Variants in MYOCD observed in about 807,000 individuals in gnomAD.
MYOCD encodes myocardin.
A neutral mutation model predicts 96.1 loss-of-function variants in MYOCD; 32 were observed. The observed-to-expected ratio is 0.33, with a 90% CI of 0.25 to 0.45. MYOCD has a LOEUF of 0.45. MYOCD is among the 20% of genes least tolerant of loss of function. The pLI, the probability that MYOCD is intolerant of heterozygous loss-of-function variation, is 1.00. For missense variants in MYOCD, 1,133 were observed against 1,200.6 expected, an observed-to-expected ratio of 0.94 and a Z score of 0.83; for synonymous variants, 469 against 469.0, an observed-to-expected ratio of 1.00 and a Z score of 0.00.
At chr17:12,747,891 C>T (rs1183263918) in intron 9 of MYOCD, among the ~76,000 whole-genome samples, 1 of 149,508 alleles carries the variant, frequency 6.7e-6, no homozygotes, top group Non-Finnish European at 1.5e-5. Flanking sequence ...ACTGGCTGGG[C>T]GTGGTGGCTC....
Position 12,666,186 on chromosome 17 carries a change from A to C in MYOCD, c.-3A>C. The stretch of plus-strand genomic sequence containing the variant: ...AGGGACCAGCGGCTTGCTGAGACTC[A>C]ACATGACACTCCTGGGGTCTGAGCA... On this transcript the variant is annotated 5_prime_UTR_variant, in exon 1 of 14. Coordinates refer to ENST00000425538, the MANE Select transcript of MYOCD (RefSeq NM_001146312.3). 6.2e-7 allele frequency: 1 copy of C among 1,613,414 alleles called. No homozygotes were observed. Among genetic ancestry groups the C allele is most frequent in the Non-Finnish European group, 8.5e-7 (1 of 1,179,468 alleles).
In MYOCD at chr17:12,693,544, C is replaced by T. The variant is rs188454429; in HGVS notation, c.56-11584C>T. 7.3e-5 allele frequency among the ~76,000 whole-genome samples: 11 copies of T among 151,240 alleles called. 1 individual carries two copies. The highest frequency in any genetic ancestry group is 4.0e-4 in the Admixed American group (6 of 15,138). Reference sequence around the variant, plus strand: ...AGATTCGCTTGAACCTGGGAGGCAGCGGTGGCAGTGAGCCAAGATTGTGCC... The same window carrying T: ...AGATTCGCTTGAACCTGGGAGGCAGTGGTGGCAGTGAGCCAAGATTGTGCC... On this transcript the variant is annotated intron_variant, in intron 1 of 13. Transcript: ENST00000425538.
In MYOCD at chr17:12,733,309, C is replaced by CAAAAA. The variant is rs10650455; in HGVS notation, c.416-2843_416-2839dup. ...TGGGCAACAGAGCAAGACTCCATCT[C>CAAAAA]AAAAAAAAAAAAACAACCAAATAGT... On this transcript the variant is annotated intron_variant, in intron 5 of 13. Coordinates refer to ENST00000425538, the MANE Select transcript of MYOCD (RefSeq NM_001146312.3). 1.6e-3 allele frequency among the ~76,000 whole-genome samples: 220 copies of CAAAAA among 134,820 alleles called. 3 individuals carry two copies. Among genetic ancestry groups the CAAAAA allele is most frequent in the Middle Eastern group, 3.8e-3 (1 of 264 alleles). The allele number at this position is 134,820 out of a possible 152,430, so 88.4% of individuals were successfully genotyped here. A position where few individuals can be genotyped will look rare whatever the true frequency, so the allele number is the denominator to read the frequency against.
intron 2 of MYOCD, among the ~76,000 whole-genome samples, chr17:12,710,709 T>C (rs2031454392): frequency 6.6e-6 from 1 of 152,168 alleles, no homozygotes. Flanking sequence ...CACAGCACCC[T>C]ACCACACACT....
At chr17:12,755,745 G>A (rs2032994630) in intron 10 of MYOCD, among the ~76,000 whole-genome samples, 2 of 152,138 alleles carry the variant, frequency 1.3e-5, no homozygotes, top group African/African-American at 2.4e-5. Context: ...GGTGGCACGC[G>A]CCTGTAGTCC....
intron 1 of MYOCD, among the ~76,000 whole-genome samples, chr17:12,687,177 C>T (rs534402142): frequency 2.0e-4 from 30 of 151,092 alleles, no homozygotes; most frequent in South Asian, 1.3e-3. Context: ...TTTTTCTTTC[C>T]GTGTAAGATT....
At chr17:12,732,298 A>C (rs2032197926) in intron 5 of MYOCD, among the ~76,000 whole-genome samples, 1 of 151,832 alleles carries the variant, frequency 6.6e-6, no homozygotes, top group African/African-American at 2.4e-5. Flanking sequence ...ATCCTCCCCA[A>C]CCCAAGCATG....
intron 1 of MYOCD, among the ~76,000 whole-genome samples, chr17:12,688,550 T>TCTTCCTTCCTTCCTTCCTTCCATCTC (rs2030262057): frequency 1.0e-5 from 1 of 99,298 alleles, no homozygotes. Flanking sequence ...CCTTCCATCT[T>TCTTCCTTCCTTCCTTCCTTCCATCTC]CTTCCTTCCT....
intron 2 of MYOCD, among the ~76,000 whole-genome samples, chr17:12,712,391 C>A (rs8081987): frequency 0.033 from 5,011 of 152,134 alleles, 249 homozygotes; most frequent in African/African-American, 0.11. Context: ...ACAGCCCCTG[C>A]TTCTGTTGCT....
rs143701350 is a variant in MYOCD, at chr17:12,679,380, G to T, written c.55+13137G>T. On this transcript the variant is annotated intron_variant, in intron 1 of 13. Transcript: ENST00000425538. Reference sequence around the variant, plus strand: ...GAATCCCTGGCTTAGTAGAAATGCAGCCTTCACAAAGGATTGTGTTCTTAA... The same window carrying T: ...GAATCCCTGGCTTAGTAGAAATGCATCCTTCACAAAGGATTGTGTTCTTAA... Among the ~76,000 whole-genome samples, 751 of 152,254 alleles carry T rather than the reference G, an allele frequency of 4.9e-3. 6 individuals carry two copies. Among genetic ancestry groups the T allele is most frequent in the Non-Finnish European group, 7.9e-3 (536 of 68,012 alleles).
rs2033348839 is a variant in MYOCD, at chr17:12,766,726, C to T, written c.*3082C>T. The T allele has an allele frequency of 6.6e-6, 1 of 152,108 alleles. No homozygotes were observed. Among genetic ancestry groups the T allele is most frequent in the Non-Finnish European group, 1.5e-5 (1 of 68,022 alleles). The allele number at this position is 152,108 out of a possible 1,614,324, so 9.4% of individuals were successfully genotyped here. The stretch of plus-strand genomic sequence containing the variant: ...TTCAAGTTCCCTAATGCTCTTAGAA[C>T]CTGAAGATGACCATGTGTAGTTTTC... On this transcript the variant is annotated 3_prime_UTR_variant, in exon 14 of 14. Transcript: ENST00000425538.
chr17:12,690,881 A>T lies in MYOCD; in HGVS notation c.56-14247A>T, dbSNP rs116716594. Among the ~76,000 whole-genome samples the T allele has an allele frequency of 3.2e-3, 489 of 152,312 alleles. 2 individuals carry two copies. The highest frequency in any genetic ancestry group is 0.011 in the African/African-American group (468 of 41,566). ...CAAGGCTCTGGGAGCTGTCAAAAGCAATAGCTATTTAGTAGCAGAATGGGA... is the reference window on the plus strand; with the variant it reads ...CAAGGCTCTGGGAGCTGTCAAAAGCTATAGCTATTTAGTAGCAGAATGGGA... On this transcript the variant is annotated intron_variant, in intron 1 of 13. Transcript: ENST00000425538.
At chr17:12,667,284 A>G (rs779425459) in intron 1 of MYOCD, among the ~76,000 whole-genome samples, 3 of 152,200 alleles carry the variant, frequency 2.0e-5, no homozygotes, top group Non-Finnish European at 4.4e-5. Context: ...TGACTTTCTT[A>G]GATGCCCTTG....
chr17:12,697,200 G>C (rs913873343), intron 1 of MYOCD, among the ~76,000 whole-genome samples: 4 of 151,638 alleles, frequency 2.6e-5, no homozygotes, highest in Non-Finnish European at 5.9e-5. Flanking sequence ...AGGGCTCTTG[G>C]CACAGCTTTC....
chr17:12,702,605 A>G (rs962238262), intron 1 of MYOCD, among the ~76,000 whole-genome samples: 2 of 151,970 alleles, frequency 1.3e-5, no homozygotes, highest in African/African-American at 4.8e-5. Context: ...GTTTGTCCCT[A>G]TACTTTTTGT....
intron 1 of MYOCD, among the ~76,000 whole-genome samples, chr17:12,698,782 G>A (rs927198737): frequency 3.5e-4 from 37 of 106,066 alleles, no homozygotes; most frequent in African/African-American, 1.2e-3. Context: ...TGGCTCTGTT[G>A]CCCAGGCTGG....
chr17:12,708,548 A>G lies in MYOCD; in HGVS notation c.121+3355A>G, dbSNP rs191998403. ...GCTGGGACTACAGGCACGTGCCACC[A>G]TGCCTGGCTAATTTTTTGTATTTTT... On this transcript the variant is annotated intron_variant, in intron 2 of 13. Transcript: ENST00000425538. Among the ~76,000 whole-genome samples, 431 of 152,140 alleles carry G rather than the reference A, an allele frequency of 2.8e-3. 5 individuals carry two copies. The highest frequency in any genetic ancestry group is 9.9e-3 in the African/African-American group (410 of 41,486).
Position 12,689,808 on chromosome 17 carries a change from G to C in MYOCD, c.56-15320G>C, listed in dbSNP as rs182237618. Among the ~76,000 whole-genome samples the C allele has an allele frequency of 2.2e-4, 33 of 152,286 alleles. No individual in the cohort carries two copies. The East Asian group carries it at 6.0e-3, about 28-fold the overall frequency. On this transcript the variant is annotated intron_variant, in intron 1 of 13. Coordinates refer to ENST00000425538, the MANE Select transcript of MYOCD (RefSeq NM_001146312.3). ...ATCACACCACTGCACTCCAGCCTGG[G>C]TGACAGAGCGAGACTCAGTCTCAAA... is the stretch of plus-strand genomic sequence containing the variant.
intron 1 of MYOCD, among the ~76,000 whole-genome samples, chr17:12,693,617 A>G (rs1379357133): frequency 7.6e-6 from 1 of 130,820 alleles, no homozygotes; most frequent in African/African-American, 2.8e-5. Context: ...CTCAAAAAAA[A>G]TAAAATAGAA....
Sources: gnomAD v4.1 joint callset for allele counts (sites outside exome capture counted in the v4.1 genomes callset) on GRCh38, gnomAD v4.1.1 for gene constraint, MANE v1.5 for transcripts, NCBI Gene and HGNC (gene_info 2026-07-23, HGNC 2026-07-21) for gene names.